SCARA5: variants seen among roughly 807,000 people sequenced by gnomAD.
The protein encoded by SCARA5 is scavenger receptor class A member 5.
A neutral mutation model predicts 46.3 loss-of-function variants in SCARA5; 45 were observed. The ratio of observed to expected loss-of-function variants is 0.97; its 90% CI spans 0.76 to 1.24. The LOEUF (loss-of-function observed/expected upper bound fraction) is 1.24, where lower values mean the gene tolerates loss of function less well. SCARA5 is among the 50% of genes most tolerant of loss of function. The pLI, the probability that SCARA5 is intolerant of heterozygous loss-of-function variation, is 0.00. For missense variants in SCARA5, 680 were observed against 689.0 expected (o/e 0.99, Z 0.15); for synonymous variants, 333 against 306.5 (o/e 1.09, Z -0.90).
chr8:27,915,082 C>T (rs1050100324), intron 4 of SCARA5, among the ~76,000 whole-genome samples: 16 of 152,194 alleles, frequency 1.1e-4, no homozygotes, highest in African/African-American at 2.4e-4. Flanking sequence ...AACCACAGGC[C>T]GGCTGACAGG....
chr8:27,976,291 C>T (rs1348590014), intron 2 of SCARA5, among the ~76,000 whole-genome samples: 4 of 152,078 alleles, frequency 2.6e-5, no homozygotes, highest in African/African-American at 4.8e-5. Flanking sequence ...GCACAGTACA[C>T]GGATTAGAAG....
chr8:27,989,060 G>A (rs1808746333), intron 1 of SCARA5, among the ~76,000 whole-genome samples: 1 of 150,136 alleles, frequency 6.7e-6, no homozygotes, highest in African/African-American at 2.5e-5. Context: ...TGGCGGGGTT[G>A]CTCTGCAGCA....
Position 27,943,926 on chromosome 8 carries a change from T to C in SCARA5, c.242-21681A>G, listed in dbSNP as rs77334593. On this transcript the variant is annotated intron_variant, in intron 3 of 8. Coordinates refer to ENST00000354914, the MANE Select transcript of SCARA5 (RefSeq NM_173833.6). The stretch of plus-strand genomic sequence containing the variant: ...TAAAAGATAGCTTTACAGTAGATTA[T>C]TCTGACCAAATTTACCTTAACCAAA... Among the ~76,000 whole-genome samples, 428 of 152,348 alleles carry C rather than the reference T, an allele frequency of 2.8e-3. 2 individuals are homozygous for C. The highest frequency in any genetic ancestry group is 9.7e-3 in the African/African-American group (404 of 41,582).
chr8:27,948,601 G>A (rs1193643788), intron 3 of SCARA5, among the ~76,000 whole-genome samples: 1 of 152,222 alleles, frequency 6.6e-6, no homozygotes, highest in Non-Finnish European at 1.5e-5. Flanking sequence ...TAGGGGCCTG[G>A]AGAGCTCTTC....
chr8:27,972,341 AAAAAC>A lies in SCARA5; in HGVS notation c.113-5804_113-5800del, dbSNP rs1808460886. Among the ~76,000 whole-genome samples the A allele has an allele frequency of 1.5e-4, 5 of 33,762 alleles. No homozygotes were observed. In the South Asian group the frequency reaches 5.0e-3, roughly 33 times the overall value. 22.1% of individuals were successfully genotyped at this position (33,762 alleles called of 152,430 possible). ...CAAAAAAACAAAACAAAACAAAACA[AAAAAC>A]AAAACAAAAAAAAACAAAAAAAGTA... On this transcript the variant is annotated intron_variant, in intron 2 of 8. Transcript: ENST00000354914.
At chr8:27,878,640 G>GA (rs1806761751) in intron 8 of SCARA5, among the ~76,000 whole-genome samples, 1 of 152,232 alleles carries the variant, frequency 6.6e-6, no homozygotes, top group Admixed American at 6.5e-5. Flanking sequence ...ATCTGGAGAA[G>GA]AAAAGACTCA....
intron 4 of SCARA5, 151 bp from the exon 5 acceptor site, chr8:27,909,894 G>C (rs756783377): frequency 1.8e-6 from 1 of 552,566 alleles, no homozygotes; most frequent in South Asian, 2.6e-5. Flanking sequence ...CCAGTCTCGG[G>C]GGGCATCAGG....
intron 7 of SCARA5, among the ~76,000 whole-genome samples, chr8:27,892,606 CTTT>C (rs1230257718): frequency 2.4e-5 from 3 of 127,032 alleles, no homozygotes; most frequent in African/African-American, 6.4e-5. Flanking sequence ...ATACCTCACC[CTTT>C]TTTTTTTTTT....
chr8:27,912,077 G>C (rs1013248957), intron 4 of SCARA5, among the ~76,000 whole-genome samples: 1 of 152,162 alleles, frequency 6.6e-6, no homozygotes, highest in Non-Finnish European at 1.5e-5. Flanking sequence ...TGGATACCTT[G>C]ATTTCAGACT....
chr8:27,913,653 C>CT (rs1807414420), intron 4 of SCARA5, among the ~76,000 whole-genome samples: 2 of 152,210 alleles, frequency 1.3e-5, no homozygotes, highest in African/African-American at 2.4e-5. Context: ...TTTATAAGAA[C>CT]CTCCCTGTCT....
At chr8:27,984,974 T>G (rs994211636) in intron 2 of SCARA5, among the ~76,000 whole-genome samples, 2 of 152,158 alleles carry the variant, frequency 1.3e-5, no homozygotes, top group African/African-American at 2.4e-5. Flanking sequence ...CATTCATCCA[T>G]CCATCTATTC....
intron 8 of SCARA5, 116 bp downstream of exon 8, chr8:27,879,453 G>T: frequency 1.0e-6 from 1 of 969,744 alleles, no homozygotes; most frequent in Non-Finnish European, 1.6e-6. Context: ...AAGCATTTGG[G>T]GAGAGGCTGG....
chr8:27,907,536 C>A (rs1319918430), intron 5 of SCARA5, among the ~76,000 whole-genome samples: 1 of 150,424 alleles, frequency 6.6e-6, no homozygotes, highest in Non-Finnish European at 1.5e-5. Flanking sequence ...TGTCCCTTTG[C>A]CCTTCAGCAT....
At chr8:27,913,634 G>A (rs1220293720) in intron 4 of SCARA5, among the ~76,000 whole-genome samples, 1 of 152,128 alleles carries the variant, frequency 6.6e-6, no homozygotes, top group Admixed American at 6.5e-5. Context: ...TTATGGCCTG[G>A]CTCTGGCCTT....
chr8:27,938,283 A>G (rs951110805), intron 3 of SCARA5, among the ~76,000 whole-genome samples: 4 of 152,134 alleles, frequency 2.6e-5, no homozygotes, highest in Non-Finnish European at 5.9e-5. Context: ...ATGTGAATAT[A>G]CTTATCACTT....
intron 3 of SCARA5, among the ~76,000 whole-genome samples, chr8:27,941,115 A>T (rs1293438253): frequency 6.6e-6 from 1 of 152,176 alleles, no homozygotes. Context: ...AAAAACCCAC[A>T]ATACGTCTTA....
At chr8:27,989,933 G>A (rs775431362) in intron 1 of SCARA5, among the ~76,000 whole-genome samples, 5 of 152,248 alleles carry the variant, frequency 3.3e-5, no homozygotes, top group African/African-American at 4.8e-5. Flanking sequence ...GGGCTGTGAA[G>A]CAGGAGGCCA....
chr8:27,879,826 G>A, intron 7 of SCARA5, 60 bp from the exon 8 acceptor site: 2 of 1,549,166 alleles, frequency 1.3e-6, no homozygotes, highest in Non-Finnish European at 1.8e-6. Flanking sequence ...CGCCCCCAGG[G>A]GCCTTCTTTG....
At chr8:27,929,828 A>G (rs1045786178) in intron 3 of SCARA5, among the ~76,000 whole-genome samples, 9 of 152,322 alleles carry the variant, frequency 5.9e-5, no homozygotes, top group Non-Finnish European at 1.3e-4. Flanking sequence ...CAGCACACTT[A>G]CAATGTAGAA....
Sources: gnomAD v4.1 joint callset for allele counts (sites outside exome capture counted in the v4.1 genomes callset) on GRCh38, gnomAD v4.1.1 for gene constraint, MANE v1.5 for transcripts, NCBI Gene and HGNC (gene_info 2026-07-23, HGNC 2026-07-21) for gene names.